PAAF1: variants seen among roughly 807,000 people sequenced by gnomAD.
PAAF1 encodes the protein proteasomal ATPase associated factor 1, also known as proteasomal ATPase-associated factor 1.
Under a neutral mutation model 52.8 loss-of-function variants are expected in PAAF1, and 46 were observed. That is an observed-to-expected ratio of 0.87 (90% confidence interval 0.69 to 1.11). PAAF1 has a LOEUF of 1.11. Ranked by LOEUF, PAAF1 falls within the 50% of genes most tolerant of loss-of-function variation. PAAF1 has a pLI of 0.00. For synonymous variants in PAAF1, 178 were observed against 172.8 expected (o/e 1.03, Z -0.24); for missense variants, 424 against 477.4 (o/e 0.89, Z 1.04).
intron 4 of PAAF1, among the ~76,000 whole-genome samples, chr11:73,894,049 C>T (rs1949279509): frequency 6.6e-6 from 1 of 152,182 alleles, no homozygotes; most frequent in Non-Finnish European, 1.5e-5. Context: ...GCAGTCCTCT[C>T]TCCTTGGCTT....
intron 10 of PAAF1, among the ~76,000 whole-genome samples, 162 bp from the exon 11 acceptor site, chr11:73,924,452 AC>A (rs1338819321): frequency 6.6e-6 from 1 of 152,166 alleles, no homozygotes; most frequent in Non-Finnish European, 1.5e-5. Context: ...GTCTCAAAAA[AC>A]AAAAAAAAAG....
intron 10 of PAAF1, among the ~76,000 whole-genome samples, chr11:73,919,895 A>C (rs1316519937): frequency 6.6e-6 from 1 of 152,206 alleles, no homozygotes; most frequent in Non-Finnish European, 1.5e-5. Flanking sequence ...ATACTGCTTC[A>C]CTTAACAAGA....
At position 73,919,010 on chromosome 11, in the gene PAAF1, A is replaced by AAG. The variant is rs1950142946; in HGVS notation, c.996_997insAG (p.Asp333ArgfsTer20). ...CAGTTCTATCCCTGCTAAGTGTCAGAGATGGATTCATTGCTAGCCAAGGTG... is the reference window on the plus strand; with the variant it reads ...CAGTTCTATCCCTGCTAAGTGTCAGAAGGATGGATTCATTGCTAGCCAAGGTG... On this transcript the variant is annotated frameshift_variant, in exon 10 of 12. Coordinates refer to ENST00000310571, the MANE Select transcript of PAAF1 (RefSeq NM_025155.3). LOFTEE classifies it high-confidence loss of function. The AAG allele has an allele frequency of 6.2e-7, 1 of 1,613,908 alleles. No individual in the cohort carries two copies. The highest frequency in any genetic ancestry group is 1.3e-5 in the African/African-American group (1 of 74,928).
rs891311893 is a variant in PAAF1 at position 73,927,715 on chromosome 11, A to G, written c.*353A>G. On this transcript the variant is annotated 3_prime_UTR_variant, in exon 12 of 12. Transcript: ENST00000310571. Reference sequence around the variant, plus strand: ...CCTGTTCTCTGGAGGAAATAAAGAAAATATGTTTGGAGGTGCCTGAATATG... The same window carrying G: ...CCTGTTCTCTGGAGGAAATAAAGAAGATATGTTTGGAGGTGCCTGAATATG... 13 of 227,350 alleles carry G rather than the reference A, an allele frequency of 5.7e-5. No homozygotes were observed. Among genetic ancestry groups the G allele is most frequent in the South Asian group, 1.1e-4 (1 of 9,200 alleles). 14.1% of individuals were successfully genotyped at this position (227,350 alleles called of 1,614,324 possible).
chr11:73,895,087 C>A (rs1949308354), intron 4 of PAAF1, among the ~76,000 whole-genome samples: 1 of 152,164 alleles, frequency 6.6e-6, no homozygotes, highest in South Asian at 2.1e-4. Context: ...TATATTTCAG[C>A]CAGTCTTCTG....
chr11:73,905,172 T>C (rs190879605), intron 6 of PAAF1, among the ~76,000 whole-genome samples: 145 of 152,130 alleles, frequency 9.5e-4, no homozygotes, highest in Non-Finnish European at 1.4e-3. Flanking sequence ...TTGCAGCTTC[T>C]GGTAAGTCTT....
chr11:73,897,177 C>T (rs1317057268), intron 4 of PAAF1, among the ~76,000 whole-genome samples: 1 of 120,294 alleles, frequency 8.3e-6, no homozygotes, highest in Non-Finnish European at 1.7e-5. Context: ...GCTGGCCGTG[C>T]GGGGGGCTGA....
At chr11:73,923,949 TAA>T in intron 10 of PAAF1, among the ~76,000 whole-genome samples, 1 of 152,160 alleles carries the variant, frequency 6.6e-6, no homozygotes, top group African/African-American at 2.4e-5. Flanking sequence ...TAAAAAATGT[TAA>T]AGACATTTTT....
intron 6 of PAAF1, among the ~76,000 whole-genome samples, chr11:73,907,601 A>G (rs1318580877): frequency 6.6e-6 from 1 of 152,188 alleles, no homozygotes; most frequent in Non-Finnish European, 1.5e-5. Flanking sequence ...GGGGATGGAA[A>G]CTGAGCTCAC....
chr11:73,878,656 AC>A, intron 1 of PAAF1, 122 bp from the exon 2 acceptor site: 1 of 709,058 alleles, frequency 1.4e-6, no homozygotes, highest in Non-Finnish European at 2.5e-6. Flanking sequence ...GAGAGGTTGG[AC>A]TATCTCATGT....
intron 2 of PAAF1, chr11:73,879,741 C>T (rs571899690): frequency 6.6e-6 from 1 of 150,988 alleles, no homozygotes; most frequent in Admixed American, 6.7e-5. Context: ...GGCATAGTGG[C>T]ATGCGCATGT....
intron 7 of PAAF1, among the ~76,000 whole-genome samples, chr11:73,910,148 C>A (rs192268545): frequency 2.5e-4 from 38 of 152,232 alleles, no homozygotes; most frequent in Non-Finnish European, 4.9e-4. Flanking sequence ...GCATTGAACT[C>A]CTGGGCTCAA....
chr11:73,915,024 C>T (rs947899243), intron 8 of PAAF1, among the ~76,000 whole-genome samples: 2 of 152,014 alleles, frequency 1.3e-5, no homozygotes, highest in African/African-American at 2.4e-5. Context: ...AGTTCTTGTG[C>T]AGCACTTGCA....
At chr11:73,905,435 G>A (rs547974007) in intron 6 of PAAF1, among the ~76,000 whole-genome samples, 1 of 152,064 alleles carries the variant, frequency 6.6e-6, no homozygotes, top group South Asian at 2.1e-4. Flanking sequence ...TATTGGCAAG[G>A]CTGGTCTCAA....
At chr11:73,899,972 C>T (rs991623491) in intron 5 of PAAF1, among the ~76,000 whole-genome samples, 1 of 151,876 alleles carries the variant, frequency 6.6e-6, no homozygotes, top group South Asian at 2.1e-4. Context: ...TTAACTAGAT[C>T]TAGAGATGGC....
At position 73,877,137 on chromosome 11, in the gene PAAF1, A is replaced by G. The variant is rs1378362462; in HGVS notation, c.47+69A>G. Reference sequence around the variant, plus strand: ...ATGTTGCTTTGCGTCAAGGAGAGCCATGCCTGGTCCAGGATATCAATAGGG... The same window carrying G: ...ATGTTGCTTTGCGTCAAGGAGAGCCGTGCCTGGTCCAGGATATCAATAGGG... On this transcript the variant is annotated intron_variant, in intron 1 of 11. Coordinates refer to ENST00000310571, the MANE Select transcript of PAAF1 (RefSeq NM_025155.3). 3.5e-6 allele frequency: 5 copies of G among 1,435,118 alleles called. No individual in the cohort carries two copies. In the African/African-American group the frequency reaches 7.2e-5, roughly 21 times the overall value. 88.9% of individuals were successfully genotyped at this position (1,435,118 alleles called of 1,614,324 possible).
chr11:73,899,506 G>C (rs1246437494), intron 5 of PAAF1, among the ~76,000 whole-genome samples: 1 of 150,184 alleles, frequency 6.7e-6, no homozygotes, highest in Non-Finnish European at 1.5e-5. Flanking sequence ...CCGCCTCCTG[G>C]GTTCAAGCGA....
At chr11:73,912,060 A>G (rs1461914652) in intron 7 of PAAF1, among the ~76,000 whole-genome samples, 3 of 151,914 alleles carry the variant, frequency 2.0e-5, no homozygotes, top group Non-Finnish European at 4.4e-5. Flanking sequence ...CTGTGATACC[A>G]CATAACACTG....
Position 73,887,553 on chromosome 11 carries a change from C to T in PAAF1, c.192+96C>T, listed in dbSNP as rs550852819. On this transcript the variant is annotated intron_variant, in intron 3 of 11. Transcript: ENST00000310571. ...ATTTATACTATTATCTGTGTATCTC[C>T]ACTTCATTTGTATGAGAATCATAGT... is the stretch of plus-strand genomic sequence containing the variant. 379 of 723,882 alleles carry T rather than the reference C, an allele frequency of 5.2e-4. 4 individuals are homozygous for T. In the South Asian group the frequency reaches 8.8e-3, roughly 17 times the overall value. The allele number at this position is 723,882 out of a possible 1,614,324, so 44.8% of individuals were successfully genotyped here. A position where few individuals can be genotyped will look rare whatever the true frequency, so the allele number is the denominator to read the frequency against.
Sources: gnomAD v4.1 joint callset for allele counts (sites outside exome capture counted in the v4.1 genomes callset) on GRCh38, gnomAD v4.1.1 for gene constraint, MANE v1.5 for transcripts, NCBI Gene and HGNC (gene_info 2026-07-23, HGNC 2026-07-21) for gene names.